DAB1: variants seen among roughly 807,000 people sequenced by gnomAD.
DAB1 encodes the protein disabled homolog 1.
Under a neutral mutation model 64.6 loss-of-function variants are expected in DAB1, and 15 were observed. The ratio of observed to expected loss-of-function variants is 0.23; its 90% CI spans 0.16 to 0.36. The LOEUF (loss-of-function observed/expected upper bound fraction) is 0.36, where lower values mean the gene tolerates loss of function less well. DAB1 is among the 10% of genes least tolerant of loss of function. The probability of loss-of-function intolerance (pLI) is 1.00; values close to 1 mark genes in which losing one functional copy is unlikely to be tolerated. For synonymous variants in DAB1, 235 were observed against 251.9 expected, an observed-to-expected ratio of 0.93 and a Z score of 0.64; for missense variants, 596 against 706.7, an observed-to-expected ratio of 0.84 and a Z score of 1.78.
At position 57,922,031 on chromosome 1, in the gene DAB1, C is replaced by G. The variant is rs140683914; in HGVS notation, n.388-37869G>C. 2.0e-3 allele frequency among the ~76,000 whole-genome samples: 300 copies of G among 152,318 alleles called. 4 individuals carry two copies. Among genetic ancestry groups the G allele is most frequent in the African/African-American group, 6.9e-3 (288 of 41,572 alleles). ...AAAATCATTTGGCTGGCTCTCACTT[C>G]CTTAAATATCACCCTATCCTTTTCC... On this transcript the variant is annotated intron_variant and non_coding_transcript_variant, in intron 5 of 20. Coordinates refer to the DAB1 transcript ENST00000485760.
At chr1:57,754,309 A>G (rs1194421668) in intron 6 of DAB1, among the ~76,000 whole-genome samples, 2 of 152,204 alleles carry the variant, frequency 1.3e-5, no homozygotes, top group Non-Finnish European at 2.9e-5. Context: ...AATTTGAATA[A>G]ATAGATTTTA....
chr1:57,864,193 G>C (rs1006384135), intron 1 of DAB1, among the ~76,000 whole-genome samples: 8 of 152,202 alleles, frequency 5.3e-5, no homozygotes, highest in African/African-American at 1.9e-4. Context: ...TGTGTCATGT[G>C]GATGTTGGGG....
chr1:58,180,668 T>C (rs1224844944), intron 4 of DAB1, among the ~76,000 whole-genome samples: 2 of 152,134 alleles, frequency 1.3e-5, no homozygotes, highest in African/African-American at 4.8e-5. Flanking sequence ...CCCACAAATT[T>C]TGATGCTTGG....
At chr1:57,377,734 T>C (rs1681024389) in intron 1 of DAB1, among the ~76,000 whole-genome samples, 1 of 152,128 alleles carries the variant, frequency 6.6e-6, no homozygotes. Flanking sequence ...ATCCTCCAGC[T>C]GAGTAACCTT....
intron 3 of DAB1, among the ~76,000 whole-genome samples, chr1:58,383,541 A>G (rs762632798): frequency 4.6e-5 from 7 of 152,242 alleles, no homozygotes; most frequent in Non-Finnish European, 1.0e-4. Flanking sequence ...TGAAAATAGT[A>G]GCTACCACAT....
intron 5 of DAB1, among the ~76,000 whole-genome samples, chr1:57,986,776 G>A (rs968524886): frequency 6.6e-6 from 1 of 152,192 alleles, no homozygotes; most frequent in African/African-American, 2.4e-5. Context: ...ACTCTCCACA[G>A]AGAACGTTCT....
At chr1:58,183,447 C>T (rs1656903980) in intron 4 of DAB1, among the ~76,000 whole-genome samples, 1 of 152,152 alleles carries the variant, frequency 6.6e-6, no homozygotes, top group African/African-American at 2.4e-5. Flanking sequence ...TATCAAGGTA[C>T]ACAATGGCTA....
intron 5 of DAB1, among the ~76,000 whole-genome samples, chr1:57,944,326 T>C (rs1322493219): frequency 1.3e-5 from 2 of 152,034 alleles, no homozygotes; most frequent in African/African-American, 2.4e-5. Flanking sequence ...TCCTTCAGAG[T>C]TCAGCCCAAC....
chr1:57,036,837 T>C (rs1647172900), intron 9 of DAB1, among the ~76,000 whole-genome samples: 1 of 152,214 alleles, frequency 6.6e-6, no homozygotes, highest in Non-Finnish European at 1.5e-5. Flanking sequence ...TTTATCTTCC[T>C]ATAATCTCTT....
At chr1:57,023,263 T>G (rs1020177667) in intron 11 of DAB1, among the ~76,000 whole-genome samples, 2 of 152,234 alleles carry the variant, frequency 1.3e-5, no homozygotes, top group Non-Finnish European at 2.9e-5. Context: ...GCTGTGCATA[T>G]GCCATGCTCC....
intron 2 of DAB1, among the ~76,000 whole-genome samples, chr1:57,216,074 A>G (rs909677717): frequency 1.3e-5 from 2 of 151,972 alleles, no homozygotes; most frequent in African/African-American, 2.4e-5. Context: ...TTTGCTTTCT[A>G]CACATTAATA....
chr1:57,842,270 C>T (rs1175199763), intron 1 of DAB1, among the ~76,000 whole-genome samples: 1 of 152,212 alleles, frequency 6.6e-6, no homozygotes, highest in African/African-American at 2.4e-5. Context: ...TCAGCCTGGA[C>T]TTCATTATCC....
chr1:57,027,235 A>G (rs1203164641), intron 9 of DAB1, among the ~76,000 whole-genome samples: 1 of 152,116 alleles, frequency 6.6e-6, no homozygotes, highest in Non-Finnish European at 1.5e-5. Context: ...GGTAAGATAA[A>G]CCACAAGAGA....
chr1:57,291,048 C>T lies in DAB1; in HGVS notation c.-18G>A. 1 of 1,590,410 alleles carries T rather than the reference C, an allele frequency of 6.3e-7. No individual in the cohort carries two copies. The highest frequency in any genetic ancestry group is 8.6e-7 in the Non-Finnish European group (1 of 1,165,638). ...GTTGACATCCTACTTAATCCTTAGT[C>T]CACTTCACACAGATCCCGGGCCTCG... On this transcript the variant is annotated 5_prime_UTR_variant, in exon 2 of 15. Coordinates refer to ENST00000371236, the MANE Select transcript of DAB1 (RefSeq NM_001365792.1).
chr1:57,910,658 T>G (rs1644629326), intron 5 of DAB1, among the ~76,000 whole-genome samples: 1 of 152,182 alleles, frequency 6.6e-6, no homozygotes. Flanking sequence ...CCACTGGACT[T>G]CCAGGGTCAG....
intron 4 of DAB1, among the ~76,000 whole-genome samples, chr1:57,103,456 C>A (rs962984715): frequency 1.3e-5 from 2 of 152,142 alleles, no homozygotes; most frequent in Non-Finnish European, 2.9e-5. Flanking sequence ...TTTAAAAACA[C>A]GACTAATCAT....
intron 6 of DAB1, among the ~76,000 whole-genome samples, chr1:57,679,365 T>G (rs1157422810): frequency 6.6e-6 from 1 of 152,186 alleles, no homozygotes; most frequent in Admixed American, 6.5e-5. Flanking sequence ...GGGCAGCTGA[T>G]AGCTAAAGGC....
At chr1:57,665,992 T>C (rs1311295293) in intron 6 of DAB1, among the ~76,000 whole-genome samples, 1 of 152,062 alleles carries the variant, frequency 6.6e-6, no homozygotes, top group African/African-American at 2.4e-5. Context: ...TTTTTGATAT[T>C]CTTCTGCCCT....
intron 1 of DAB1, 79 bp from the exon 2 acceptor site, chr1:57,291,245 A>T: frequency 2.5e-6 from 1 of 393,734 alleles, no homozygotes; most frequent in Non-Finnish European, 4.5e-6. Context: ...GTGAATTGGC[A>T]AACATATACA....
Sources: allele counts gnomAD v4.1 joint callset (sites outside exome capture counted in the v4.1 genomes callset), GRCh38; gene constraint gnomAD v4.1.1; transcripts MANE v1.5; gene names NCBI Gene and HGNC (gene_info 2026-07-23, HGNC 2026-07-21).